Variants in TTC12 observed in about 807,000 individuals in gnomAD.
The protein encoded by TTC12 is tetratricopeptide repeat domain 12, also known as tetratricopeptide repeat protein 12.
In TTC12, 70 loss-of-function variants were observed where a neutral mutation model predicts 90.1. The ratio of observed to expected loss-of-function variants is 0.78; its 90% CI spans 0.64 to 0.95. The LOEUF (loss-of-function observed/expected upper bound fraction) is 0.95, where lower values mean the gene tolerates loss of function less well. TTC12 is among the 40% of genes least tolerant of loss of function. The pLI, the probability that TTC12 is intolerant of heterozygous loss-of-function variation, is 0.00. For missense variants in TTC12, 819 were observed against 846.1 expected (o/e 0.97, Z 0.40); for synonymous variants, 296 against 311.5 (o/e 0.95, Z 0.53).
chr11:113,339,670 C>G lies in TTC12; in HGVS notation c.826+196C>G. Reference sequence around the variant, plus strand: ...TGCTCCATCCTCTCTACAGAGCATGCGTACACTCAGCACACATGCAATAAA... The same window carrying G: ...TGCTCCATCCTCTCTACAGAGCATGGGTACACTCAGCACACATGCAATAAA... On this transcript the variant is annotated intron_variant, in intron 10 of 21. Coordinates refer to ENST00000529221, the MANE Select transcript of TTC12 (RefSeq NM_017868.4). The G allele has an allele frequency of 2.1e-5, 11 of 527,330 alleles. No individual in the cohort carries two copies. In the South Asian group the frequency reaches 3.6e-4, roughly 17 times the overall value. 32.7% of individuals were successfully genotyped at this position (527,330 alleles called of 1,614,324 possible). A position where few individuals can be genotyped will look rare whatever the true frequency, so the allele number is the denominator to read the frequency against.
chr11:113,331,900 A>T (rs1948089046), intron 7 of TTC12, among the ~76,000 whole-genome samples: 1 of 152,246 alleles, frequency 6.6e-6, no homozygotes, highest in Non-Finnish European at 1.5e-5. Flanking sequence ...ATGTACAAAG[A>T]GTTCTAAAAA....
intron 21 of TTC12, among the ~76,000 whole-genome samples, chr11:113,371,969 C>T (rs1327207249): frequency 1.3e-5 from 2 of 152,172 alleles, no homozygotes; most frequent in Admixed American, 1.3e-4. Flanking sequence ...GTTGGTTGAG[C>T]ATACTTCCAT....
intron 2 of TTC12, among the ~76,000 whole-genome samples, chr11:113,317,464 C>G (rs782350742): frequency 6.6e-6 from 1 of 152,086 alleles, no homozygotes; most frequent in Non-Finnish European, 1.5e-5. Flanking sequence ...GTTGGAGAGC[C>G]ATCCTCTCCA....
chr11:113,372,471 C>A (rs1053781039), intron 21 of TTC12, among the ~76,000 whole-genome samples: 5 of 152,192 alleles, frequency 3.3e-5, no homozygotes, highest in Admixed American at 1.3e-4. Flanking sequence ...AGTGTGTGTG[C>A]ATACGTGCAT....
intron 5 of TTC12, 132 bp downstream of exon 5, chr11:113,324,814 G>C (rs1947584000): frequency 1.4e-6 from 1 of 712,784 alleles, no homozygotes. Flanking sequence ...TGAGGCAGTG[G>C]GACCTGGCCA....
At chr11:113,317,627 A>T (rs1215668112) in intron 2 of TTC12, among the ~76,000 whole-genome samples, 1 of 152,128 alleles carries the variant, frequency 6.6e-6, no homozygotes, top group Non-Finnish European at 1.5e-5. Flanking sequence ...TTTTGCAGTC[A>T]TAATAAATCC....
chr11:113,344,831 G>C (rs1320145759), intron 13 of TTC12, among the ~76,000 whole-genome samples: 2 of 152,072 alleles, frequency 1.3e-5, no homozygotes, highest in African/African-American at 4.8e-5. Flanking sequence ...CTTATTCTAC[G>C]TGTCCTTAAA....
chr11:113,326,665 G>T (rs782767958), intron 6 of TTC12, among the ~76,000 whole-genome samples: 3 of 152,162 alleles, frequency 2.0e-5, no homozygotes, highest in Non-Finnish European at 2.9e-5. Context: ...TAGCAATTTG[G>T]ATATGTTAGA....
rs4550256 is a variant in TTC12 at position 113,363,572 on chromosome 11, C to T, written c.1717-256C>T. On this transcript the variant is annotated intron_variant, in intron 19 of 21. Coordinates refer to ENST00000529221, the MANE Select transcript of TTC12 (RefSeq NM_017868.4). ...TCAGCCACTTGCTCATAAAGCCTTC[C>T]GGAGGCAATTACTCAGGTGTACATG... Among the ~76,000 whole-genome samples, 405 of 152,250 alleles carry T rather than the reference C, an allele frequency of 2.7e-3. 6 individuals are homozygous for T. The highest frequency in any genetic ancestry group is 0.023 in the Admixed American group (357 of 15,298).
rs764696487 is a variant in TTC12 at position 113,363,915 on chromosome 11, A to T, written c.1804A>T (p.Arg602Ter). Residue 602 changes from arginine to a stop codon, truncating the protein, a stop_gained, in exon 20 of 22, where the codon AGA becomes TGA. Transcript: ENST00000529221. LOFTEE classifies it high-confidence loss of function. Reference sequence around the variant, plus strand: ...TCATGAAGCTCGGGAAGAAGTAATAAGACTGGATAAAAGTAAGTGATGATT... The same window carrying T: ...TCATGAAGCTCGGGAAGAAGTAATATGACTGGATAAAAGTAAGTGATGATT... Reference protein sequence around the residue: ...SYHEAREEVIRLDKKLSVMMK... With the variant: ...SYHEAREEVI 6.2e-7 allele frequency: 1 copy of T among 1,611,638 alleles called. No homozygotes were observed. The highest frequency in any genetic ancestry group is 8.5e-7 in the Non-Finnish European group (1 of 1,177,678).
chr11:113,364,807 T>C lies in TTC12; in HGVS notation c.1817-28T>C, dbSNP rs77070091. On this transcript the variant is annotated intron_variant, in intron 20 of 21. Transcript: ENST00000529221. ...CTCCTATTTTGGGATTAAAAGGAGCTGTTGCTTGTTCTCTTCTTTCCCTGC... is the reference window on the plus strand; with the variant it reads ...CTCCTATTTTGGGATTAAAAGGAGCCGTTGCTTGTTCTCTTCTTTCCCTGC... The C allele has an allele frequency of 7.9e-4, 1,255 of 1,596,706 alleles. 10 individuals carry two copies. In the African/African-American group the frequency reaches 0.014, roughly 18 times the overall value.
chr11:113,356,834 C>G (rs1949662609), intron 16 of TTC12, among the ~76,000 whole-genome samples: 1 of 152,038 alleles, frequency 6.6e-6, no homozygotes, highest in South Asian at 2.1e-4. Context: ...AGTGACCTGA[C>G]CTTTCTCTCT....
At chr11:113,324,805 G>T (rs1419564407) in intron 5 of TTC12, 123 bp downstream of exon 5, 3 of 765,430 alleles carry the variant, frequency 3.9e-6, no homozygotes, top group African/African-American at 1.8e-5. Context: ...TGATGGGCTT[G>T]AGGCAGTGGG....
rs1181751630 is a variant in TTC12 at position 113,340,739 on chromosome 11, G to GA, written c.896+7dup. The GA allele has an allele frequency of 6.2e-7, 1 of 1,610,494 alleles. No homozygotes were observed. Among genetic ancestry groups the GA allele is most frequent in the Non-Finnish European group, 8.5e-7 (1 of 1,176,820 alleles). On this transcript the variant is annotated splice_region_variant and intron_variant, in intron 11 of 21. Coordinates refer to ENST00000529221, the MANE Select transcript of TTC12 (RefSeq NM_017868.4). ...GACAACGAGGTCATAAGAAGGTAGG[G>GA]ATGTTCATAGAGACAGCCCAGCAGC...
chr11:113,322,298 G>A (rs1328589969), intron 2 of TTC12, among the ~76,000 whole-genome samples: 6 of 152,104 alleles, frequency 3.9e-5, no homozygotes, highest in African/African-American at 1.2e-4. Flanking sequence ...AATGGAATAG[G>A]TTGAAAATAT....
chr11:113,321,320 C>T (rs1171947112), intron 2 of TTC12, among the ~76,000 whole-genome samples: 1 of 152,196 alleles, frequency 6.6e-6, no homozygotes, highest in Admixed American at 6.5e-5. Flanking sequence ...ACAGCCATAT[C>T]CTGAAGGATA....
At chr11:113,354,963 T>C (rs1166523045) in intron 16 of TTC12, among the ~76,000 whole-genome samples, 1 of 152,216 alleles carries the variant, frequency 6.6e-6, no homozygotes, top group Admixed American at 6.5e-5. Context: ...AGGATGATGC[T>C]GGTCTCACAG....
chr11:113,364,815 GTTCTC>G lies in TTC12; in HGVS notation c.1817-15_1817-11del. On this transcript the variant is annotated splice_polypyrimidine_tract_variant and intron_variant, in intron 20 of 21. Transcript: ENST00000529221. Reference sequence around the variant, plus strand: ...TTGGGATTAAAAGGAGCTGTTGCTTGTTCTCTTCTTTCCCTGCAGAGTTGAGCGTT... The same window carrying G: ...TTGGGATTAAAAGGAGCTGTTGCTTGTTCTTTCCCTGCAGAGTTGAGCGTT... 6.2e-7 allele frequency: 1 copy of G among 1,610,060 alleles called. No individual in the cohort carries two copies. The highest frequency in any genetic ancestry group is 8.5e-7 in the Non-Finnish European group (1 of 1,176,464).
chr11:113,333,377 CCTTTT>C (rs1279474215), intron 7 of TTC12, among the ~76,000 whole-genome samples: 3 of 152,078 alleles, frequency 2.0e-5, no homozygotes, highest in African/African-American at 4.8e-5. Context: ...CTTTGCATGC[CCTTTT>C]AAAGACTGCA....
Sources: allele counts gnomAD v4.1 joint callset (sites outside exome capture counted in the v4.1 genomes callset), GRCh38; gene constraint gnomAD v4.1.1; transcripts MANE v1.5; gene names NCBI Gene and HGNC (gene_info 2026-07-23, HGNC 2026-07-21).